TCF7L1: variants seen among roughly 807,000 people sequenced by gnomAD.
The protein encoded by TCF7L1 is transcription factor 7 like 1.
Under a neutral mutation model 63.7 loss-of-function variants are expected in TCF7L1, and 18 were observed. The ratio of observed to expected loss-of-function variants is 0.28; its 90% CI spans 0.20 to 0.42. TCF7L1 has a LOEUF of 0.42. Among genes scored for constraint, TCF7L1 ranks in the 10% least tolerant of loss-of-function variants. The pLI is 1.00. For synonymous variants in TCF7L1, 355 were observed against 340.9 expected (o/e 1.04, Z -0.46); for missense variants, 654 against 779.3 (o/e 0.84, Z 1.91).
chr2:85,213,599 A>G (rs1482197574), intron 3 of TCF7L1: 1 of 152,214 alleles, frequency 6.6e-6, no homozygotes, highest in Non-Finnish European at 1.5e-5. Flanking sequence ...CAACACATTT[A>G]GAATTTTCAA....
At chr2:85,152,867 C>A in intron 3 of TCF7L1, among the ~76,000 whole-genome samples, 1 of 152,220 alleles carries the variant, frequency 6.6e-6, no homozygotes, top group Non-Finnish European at 1.5e-5. Context: ...ATATTTTACT[C>A]TTTCAACAAA....
intron 3 of TCF7L1, among the ~76,000 whole-genome samples, chr2:85,206,662 A>G (rs1404722696): frequency 6.6e-6 from 1 of 152,150 alleles, no homozygotes; most frequent in African/African-American, 2.4e-5. Flanking sequence ...ATCTCATCCA[A>G]CATATTTGAG....
At chr2:85,224,678 A>G (rs1679919027) in intron 3 of TCF7L1, among the ~76,000 whole-genome samples, 2 of 151,940 alleles carry the variant, frequency 1.3e-5, no homozygotes, top group Admixed American at 1.3e-4. Context: ...TAGATTCTGG[A>G]TATTAGTCCT....
At chr2:85,258,876 C>T (rs1396345969) in intron 3 of TCF7L1, among the ~76,000 whole-genome samples, 1 of 152,186 alleles carries the variant, frequency 6.6e-6, no homozygotes, top group Non-Finnish European at 1.5e-5. Context: ...TGTCGTAGGT[C>T]CTTTCAGTTC....
At chr2:85,267,935 A>G (rs964807883) in intron 3 of TCF7L1, among the ~76,000 whole-genome samples, 1 of 152,220 alleles carries the variant, frequency 6.6e-6, no homozygotes, top group Non-Finnish European at 1.5e-5. Flanking sequence ...TGATATTAAT[A>G]TCAAACAGAG....
intron 3 of TCF7L1, among the ~76,000 whole-genome samples, chr2:85,135,621 C>T (rs916771586): frequency 6.7e-6 from 1 of 150,020 alleles, no homozygotes; most frequent in Non-Finnish European, 1.5e-5. Context: ...CATTGTACAG[C>T]GGTCGGTGGA....
At chr2:85,242,051 A>T (rs1028204668) in intron 3 of TCF7L1, among the ~76,000 whole-genome samples, 6 of 151,920 alleles carry the variant, frequency 3.9e-5, no homozygotes, top group Admixed American at 3.3e-4. Flanking sequence ...TTTTTGAATC[A>T]TGAGAACCTA....
chr2:85,268,813 G>A (rs942549833), intron 3 of TCF7L1, among the ~76,000 whole-genome samples: 15 of 152,194 alleles, frequency 9.9e-5, no homozygotes, highest in Admixed American at 7.2e-4. Flanking sequence ...AAAGAGCTTA[G>A]GGGAAGCTAA....
intron 3 of TCF7L1, among the ~76,000 whole-genome samples, chr2:85,158,412 C>G (rs997744937): frequency 6.6e-6 from 1 of 152,254 alleles, no homozygotes; most frequent in Admixed American, 6.5e-5. Context: ...TCCAGAACTC[C>G]GAGGCCCAAA....
At chr2:85,150,931 T>C (rs887893148) in intron 3 of TCF7L1, among the ~76,000 whole-genome samples, 1 of 152,176 alleles carries the variant, frequency 6.6e-6, no homozygotes, top group Non-Finnish European at 1.5e-5. Flanking sequence ...ATGATCAGTT[T>C]TTAAAAATTG....
intron 3 of TCF7L1, among the ~76,000 whole-genome samples, chr2:85,242,450 G>A (rs564100256): frequency 5.9e-5 from 9 of 152,314 alleles, no homozygotes; most frequent in East Asian, 3.9e-4. Flanking sequence ...TCAGCTTGAC[G>A]TCCTCATCCA....
intron 3 of TCF7L1, among the ~76,000 whole-genome samples, chr2:85,166,002 C>T (rs1195991933): frequency 6.6e-6 from 1 of 152,212 alleles, no homozygotes. Context: ...GTGTAACTAA[C>T]ACCACAATCA....
At chr2:85,293,596 T>TA (rs1017744892) in intron 4 of TCF7L1, among the ~76,000 whole-genome samples, 1 of 152,136 alleles carries the variant, frequency 6.6e-6, no homozygotes, top group Admixed American at 6.6e-5. Context: ...AACAGACTAA[T>TA]ACGTAGGGGC....
At chr2:85,245,638 C>T (rs540904531) in intron 3 of TCF7L1, among the ~76,000 whole-genome samples, 39 of 152,050 alleles carry the variant, frequency 2.6e-4, no homozygotes, top group African/African-American at 9.4e-4. Flanking sequence ...CGGTGAAACC[C>T]CGTCTCTACT....
At chr2:85,160,210 T>G (rs1045955541) in intron 3 of TCF7L1, among the ~76,000 whole-genome samples, 1 of 152,178 alleles carries the variant, frequency 6.6e-6, no homozygotes, top group East Asian at 1.9e-4. Flanking sequence ...TCCTTCCCCC[T>G]GGCAGCCACT....
intron 3 of TCF7L1, among the ~76,000 whole-genome samples, chr2:85,272,231 T>G (rs1573019394): frequency 6.6e-6 from 1 of 152,056 alleles, no homozygotes; most frequent in East Asian, 1.9e-4. Context: ...TAAAGTGGAT[T>G]TTGAGGTTTC....
At chr2:85,283,370 T>C in intron 3 of TCF7L1, 125 bp from the exon 4 acceptor site, 1 of 883,022 alleles carries the variant, frequency 1.1e-6, no homozygotes, top group East Asian at 2.5e-5. Context: ...ACAGGGCATG[T>C]GGCATGAAAA....
In TCF7L1 at chr2:85,134,588, C is replaced by G. The variant is rs1219464961; in HGVS notation, c.441+138C>G. 7.9e-7 allele frequency: 1 copy of G among 1,262,800 alleles called. No homozygotes were observed. The highest frequency in any genetic ancestry group is 1.5e-5 in the African/African-American group (1 of 66,128). 78.2% of individuals were successfully genotyped at this position (1,262,800 alleles called of 1,614,324 possible). A position where few individuals can be genotyped will look rare whatever the true frequency, so the allele number is the denominator to read the frequency against. On this transcript the variant is annotated intron_variant, in intron 3 of 11. Transcript: ENST00000282111. This position sits in a 1 kb window ranked among gnomAD's most constrained non-coding sequence, Gnocchi z 5.0. ...AACTTGTTTGCGGAGTTGAACTACT[C>G]TCTGGCGGCCGAGCGCGAGGCTGCG...
At chr2:85,271,301 C>T (rs144220997) in intron 3 of TCF7L1, among the ~76,000 whole-genome samples, 57 of 152,232 alleles carry the variant, frequency 3.7e-4, no homozygotes, top group African/African-American at 9.1e-4. Context: ...TTAGTAGAGA[C>T]GTGGTTTTGC....
Sources: gnomAD v4.1 joint callset for allele counts (sites outside exome capture counted in the v4.1 genomes callset) on GRCh38, gnomAD v4.1.1 for gene constraint, Gnocchi (gnomAD v3.1) non-coding constraint, MANE v1.5 for transcripts, NCBI Gene and HGNC (gene_info 2026-07-23, HGNC 2026-07-21) for gene names.